SGIP1: variants seen among roughly 807,000 people sequenced by gnomAD.
SGIP1 encodes the protein SH3GL interacting endocytic adaptor 1, also known as SH3-containing GRB2-like protein 3-interacting protein 1.
In SGIP1, 38 loss-of-function variants were observed where a neutral mutation model predicts 107.5. That is an observed-to-expected ratio of 0.35 (90% CI 0.27 to 0.46). SGIP1 has a LOEUF of 0.46. SGIP1 is among the 20% of genes least tolerant of loss of function. SGIP1 has a pLI of 1.00. For missense variants in SGIP1, 929 were observed against 1,019.5 expected (o/e 0.91, Z 1.21); for synonymous variants, 365 against 366.1 (o/e 1.00, Z 0.03).
At position 66,563,977 on chromosome 1, in the gene SGIP1, T is replaced by C. The variant is rs144584220; in HGVS notation, c.10+29609T>C. ...TGAATAGATGTGTGTCCAGAGATTG[T>C]TAAACCCAGACTGTAAGCAATCATA... On this transcript the variant is annotated intron_variant, in intron 1 of 24. Transcript: ENST00000371037. Among the ~76,000 whole-genome samples the C allele has an allele frequency of 8.2e-4, 125 of 152,144 alleles. No individual in the cohort carries two copies. The South Asian group carries it at 0.017, about 21-fold the overall frequency.
intron 20 of SGIP1, among the ~76,000 whole-genome samples, chr1:66,731,790 C>T (rs570768190): frequency 6.6e-6 from 1 of 152,268 alleles, no homozygotes; most frequent in Non-Finnish European, 1.5e-5. Context: ...TTAATGTTTA[C>T]TGAAGAAGAC....
At chr1:66,648,520 A>G (rs550994395) in intron 7 of SGIP1, among the ~76,000 whole-genome samples, 6 of 152,230 alleles carry the variant, frequency 3.9e-5, no homozygotes, top group African/African-American at 1.4e-4. Flanking sequence ...TTCACCACAC[A>G]ATGATTCTCC....
chr1:66,662,566 C>T (rs2081722971), intron 8 of SGIP1, among the ~76,000 whole-genome samples: 1 of 152,134 alleles, frequency 6.6e-6, no homozygotes, highest in African/African-American at 2.4e-5. Context: ...AAGACATAGG[C>T]TGCAGTGTTT....
At chr1:66,721,106 G>A (rs185688983) in intron 19 of SGIP1, among the ~76,000 whole-genome samples, 6 of 152,206 alleles carry the variant, frequency 3.9e-5, no homozygotes, top group African/African-American at 7.2e-5. Context: ...GATTTTCCAC[G>A]TCTTTTCTCT....
chr1:66,587,736 T>C (rs2121042), intron 1 of SGIP1, among the ~76,000 whole-genome samples: 28,568 of 152,036 alleles, frequency 0.19, 3,174 homozygotes, highest in African/African-American at 0.31. Context: ...ACAAAGATCC[T>C]ATTTAATTAA....
intron 18 of SGIP1, among the ~76,000 whole-genome samples, chr1:66,717,568 A>G (rs571614693): frequency 2.6e-5 from 4 of 152,014 alleles, no homozygotes; most frequent in Non-Finnish European, 5.9e-5. Context: ...AGCCATGCAC[A>G]CTCCAACTTC....
intron 1 of SGIP1, among the ~76,000 whole-genome samples, chr1:66,625,434 G>T (rs901185166): frequency 6.6e-5 from 10 of 152,200 alleles, no homozygotes; most frequent in African/African-American, 2.4e-4. Context: ...AGTTCTCTTG[G>T]CATGGGCCAC....
chr1:66,602,344 A>G lies in SGIP1; in HGVS notation c.11-23503A>G, dbSNP rs1365276415. Among the ~76,000 whole-genome samples, 5 of 152,292 alleles carry G rather than the reference A, an allele frequency of 3.3e-5. No homozygotes were observed. The East Asian group carries it at 9.7e-4, about 29-fold the overall frequency. ...AATCGCCTGGAGACCTTTTTAATGTATAAATTCCTGGGCCTCAATCCAAGA... is the reference window on the plus strand; with the variant it reads ...AATCGCCTGGAGACCTTTTTAATGTGTAAATTCCTGGGCCTCAATCCAAGA... On this transcript the variant is annotated intron_variant, in intron 1 of 24. Coordinates refer to ENST00000371037, the MANE Select transcript of SGIP1 (RefSeq NM_032291.4).
chr1:66,731,839 G>A (rs979682099), intron 20 of SGIP1, among the ~76,000 whole-genome samples: 1 of 152,150 alleles, frequency 6.6e-6, no homozygotes, highest in Admixed American at 6.5e-5. Context: ...ATTTCAGTTT[G>A]CAATCCCTAT....
intron 21 of SGIP1, among the ~76,000 whole-genome samples, chr1:66,736,160 TAAC>T (rs1375814184): frequency 3.4e-5 from 5 of 146,974 alleles, no homozygotes; most frequent in Non-Finnish European, 6.0e-5. Flanking sequence ...ACATATAAAA[TAAC>T]ACATTATATT....
chr1:66,593,159 T>C (rs2063975766), intron 1 of SGIP1, among the ~76,000 whole-genome samples: 1 of 152,092 alleles, frequency 6.6e-6, no homozygotes, highest in South Asian at 2.1e-4. Flanking sequence ...TATTCCACGG[T>C]CTGGATGTAC....
At chr1:66,634,037 T>G (rs2075310480) in intron 3 of SGIP1, 1 of 1,509,282 alleles carries the variant, frequency 6.6e-7, no homozygotes, top group African/African-American at 1.4e-5. Flanking sequence ...TAGACTGAAA[T>G]TGATCAGACA....
intron 1 of SGIP1, among the ~76,000 whole-genome samples, chr1:66,554,120 A>C (rs1195514249): frequency 1.3e-5 from 2 of 152,142 alleles, no homozygotes; most frequent in Admixed American, 6.6e-5. Flanking sequence ...TCCTCTAAGG[A>C]ATCTAACACA....
intron 7 of SGIP1, chr1:66,660,051 G>GA (rs1293807727): frequency 7.0e-6 from 1 of 141,848 alleles, no homozygotes; most frequent in Non-Finnish European, 1.2e-5. Context: ...AAGAAAGAAA[G>GA]AAAAGAAAGA....
At chr1:66,630,841 A>AAG (rs1427132139) in intron 2 of SGIP1, among the ~76,000 whole-genome samples, 1 of 17,966 alleles carries the variant, frequency 5.6e-5, no homozygotes, top group African/African-American at 2.8e-4. Context: ...GAAAGAAAGA[A>AAG]AGAAAGAAAG....
intron 1 of SGIP1, among the ~76,000 whole-genome samples, chr1:66,574,416 G>A (rs1356011485): frequency 6.6e-6 from 1 of 151,980 alleles, no homozygotes; most frequent in Non-Finnish European, 1.5e-5. Flanking sequence ...CTCCCTTATT[G>A]GTGCTTATCT....
At chr1:66,669,050 G>T (rs1295055796) in intron 9 of SGIP1, among the ~76,000 whole-genome samples, 5 of 152,194 alleles carry the variant, frequency 3.3e-5, no homozygotes, top group African/African-American at 1.2e-4. Flanking sequence ...TTCTGTTGCT[G>T]CTGAGTTGCT....
chr1:66,642,879 T>A lies in SGIP1; in HGVS notation c.283+15T>A. 6.3e-7 allele frequency: 1 copy of A among 1,593,620 alleles called. No homozygotes were observed. The highest frequency in any genetic ancestry group is 1.4e-5 in the African/African-American group (1 of 73,652). On this transcript the variant is annotated intron_variant, in intron 6 of 24. Transcript: ENST00000371037. ...GGAACCCGGCTATATCCTTTCTTTA[T>A]TTTTTTATTTTAATTTTCATTCACT...
chr1:66,649,747 C>CA (rs35173771), intron 7 of SGIP1, among the ~76,000 whole-genome samples: 1 of 151,902 alleles, frequency 6.6e-6, no homozygotes, highest in Non-Finnish European at 1.5e-5. Flanking sequence ...TGCACACACA[C>CA]AAAAAAAATA....
Sources: gnomAD v4.1 joint callset for allele counts (sites outside exome capture counted in the v4.1 genomes callset) on GRCh38, gnomAD v4.1.1 for gene constraint, MANE v1.5 for transcripts, NCBI Gene and HGNC (gene_info 2026-07-23, HGNC 2026-07-21) for gene names.